AQP8: variants seen among roughly 807,000 people sequenced by gnomAD.
AQP8 encodes aquaporin-8.
AQP8 carries 14 observed loss-of-function variants against 26.1 expected under a neutral mutation model. That is an observed-to-expected ratio of 0.54 (90% CI 0.35 to 0.84). The LOEUF (loss-of-function observed/expected upper bound fraction) is 0.84. Among genes scored for constraint, AQP8 ranks in the 40% least tolerant of loss-of-function variants. The probability of loss-of-function intolerance (pLI) is 0.01; values close to 1 mark genes in which losing one functional copy is unlikely to be tolerated. For missense variants in AQP8, 301 were observed against 340.5 expected, an observed-to-expected ratio of 0.88 and a Z score of 0.91; for synonymous variants, 131 against 150.7, an observed-to-expected ratio of 0.87 and a Z score of 0.96.
Position 25,228,428 on chromosome 16 carries a change from G to T in AQP8, c.738-16G>T. 1 of 1,613,836 alleles carries T rather than the reference G, an allele frequency of 6.2e-7. No homozygotes were observed. The highest frequency in any genetic ancestry group is 1.1e-5 in the South Asian group (1 of 91,074). On this transcript the variant is annotated splice_polypyrimidine_tract_variant and intron_variant, in intron 5 of 5. Transcript: ENST00000219660. ...ACCTCCGGGGCAGAGACCTTACTGG[G>T]TCATCTTTCTTGCAGGTGCTTCATT...
Position 25,227,206 on chromosome 16 carries a change from G to A in AQP8, c.737+4G>A. The stretch of plus-strand genomic sequence containing the variant: ...TGCTTGTTGGACTGCTCATTAGGTA[G>A]GAGTGTGACACAGGGTCACCGGCCC... On this transcript the variant is annotated splice_donor_region_variant and intron_variant, in intron 5 of 5. Transcript: ENST00000219660. 2 of 1,614,166 alleles carry A rather than the reference G, an allele frequency of 1.2e-6. No homozygotes were observed. The highest frequency in any genetic ancestry group is 8.5e-7 in the Non-Finnish European group (1 of 1,180,028).
In AQP8 at chr16:25,217,353, C is replaced by A; in HGVS notation, c.168C>A (p.Val56=). 6.2e-7 allele frequency: 1 copy of A among 1,614,122 alleles called. No homozygotes were observed. The highest frequency in any genetic ancestry group is 1.1e-5 in the South Asian group (1 of 91,064). ...ALFIFIGCLS[V]IENGTDTGLL... The stretch of plus-strand genomic sequence containing the variant: ...TCATCTTCATCGGGTGCCTGTCGGT[C>A]ATTGAGAATGGGACGGACACTGGGC... The change falls in exon 2 of 6, where the codon GTC becomes GTA. Residue 56 remains valine (V), a synonymous_variant. Coordinates refer to ENST00000219660, the MANE Select transcript of AQP8 (RefSeq NM_001169.3).
At chr16:25,226,598 A>G (rs77458957) in intron 4 of AQP8, among the ~76,000 whole-genome samples, 4 of 152,132 alleles carry the variant, frequency 2.6e-5, no homozygotes, top group Non-Finnish European at 4.4e-5. Flanking sequence ...GCAATGTGTA[A>G]TAATCACGTC....
chr16:25,224,056 G>A (rs1962598610), intron 3 of AQP8, among the ~76,000 whole-genome samples: 2 of 152,090 alleles, frequency 1.3e-5, no homozygotes, highest in African/African-American at 4.8e-5. Context: ...CAAACTCCTG[G>A]GCTCTAGTGA....
intron 4 of AQP8, among the ~76,000 whole-genome samples, chr16:25,226,098 G>A (rs573690742): frequency 6.6e-5 from 10 of 152,242 alleles, no homozygotes; most frequent in Admixed American, 6.5e-4. Flanking sequence ...CTTTGTGGGT[G>A]AACCTAGTAG....
intron 3 of AQP8, 76 bp from the exon 4 acceptor site, chr16:25,224,286 G>A (rs35886856): frequency 0.18 from 260,284 of 1,420,114 alleles, 25,255 homozygotes; most frequent in Non-Finnish European, 0.2. Flanking sequence ...GGTAGCATGC[G>A]TTTTTTAGGC....
In AQP8 at chr16:25,227,133, A is replaced by G. The variant is rs1490123183; in HGVS notation, c.668A>G (p.His223Arg). 1.2e-6 allele frequency: 2 copies of G among 1,613,766 alleles called. No homozygotes were observed. The highest frequency in any genetic ancestry group is 2.7e-5 in the African/African-American group (2 of 74,814). The stretch of plus-strand genomic sequence containing the variant: ...TTTGGACCTGCGGTGGTGGCCAACC[A>G]CTGGAACTTCCACTGGATCTACTGG... ...RAFGPAVVAN[H>R]WNFHWIYWLG... The change falls in exon 5 of 6, where the codon CAC (histidine) becomes CGC (arginine). Residue 223 changes from histidine (H) to arginine (R), a missense_variant. His to Arg is a conservative substitution (Grantham distance 29). Transcript: ENST00000219660.
rs772686766 is a variant in AQP8 at position 25,227,058 on chromosome 16, G to T, written c.603-10G>T. 11 of 1,613,850 alleles carry T rather than the reference G, an allele frequency of 6.8e-6. No individual in the cohort carries two copies. Among genetic ancestry groups the T allele is most frequent in the Non-Finnish European group, 9.3e-6 (11 of 1,180,026 alleles). On this transcript the variant is annotated splice_polypyrimidine_tract_variant and intron_variant, in intron 4 of 5. Transcript: ENST00000219660. ...GGATCCTGGTGACCTTGGTGCCTGG[G>T]TGTTTGCAGGGGCCCTGTGTCTGGA...
Position 25,228,717 on chromosome 16 carries a change from T to C in AQP8, c.*225T>C, listed in dbSNP as rs1045150306. 16 of 531,250 alleles carry C rather than the reference T, an allele frequency of 3.0e-5. No homozygotes were observed. The highest frequency in any genetic ancestry group is 4.4e-5 in the South Asian group (2 of 45,390). 32.9% of individuals were successfully genotyped at this position (531,250 alleles called of 1,614,324 possible). A position where few individuals can be genotyped will look rare whatever the true frequency, so the allele number is the denominator to read the frequency against. ...AGAGACCCCAGCCTGGGGAACACGCTGCCCGCACTGCCCAGAGAGCAGTGC... is the reference window on the plus strand; with the variant it reads ...AGAGACCCCAGCCTGGGGAACACGCCGCCCGCACTGCCCAGAGAGCAGTGC... On this transcript the variant is annotated 3_prime_UTR_variant, in exon 6 of 6. Transcript: ENST00000219660.
chr16:25,228,333 C>G, intron 5 of AQP8, 111 bp from the exon 6 acceptor site: 1 of 934,204 alleles, frequency 1.1e-6, no homozygotes, highest in Admixed American at 1.9e-5. Context: ...GCTATTAAGG[C>G]TGGGGAGGCT....
intron 5 of AQP8, among the ~76,000 whole-genome samples, chr16:25,228,057 G>A (rs1754590615): frequency 1.1e-5 from 1 of 89,044 alleles, no homozygotes; most frequent in Non-Finnish European, 2.1e-5. Context: ...CTTGAAGTCA[G>A]GAGTTGGAGA....
At position 25,218,170 on chromosome 16, in the gene AQP8, C is replaced by T. The variant is rs74318668; in HGVS notation, c.260+725C>T. ...GTCATGAGAATTAAATGAAGTAGAG[C>T]GCCTGGCACACACCAAACATACAAC... On this transcript the variant is annotated intron_variant, in intron 2 of 5. Coordinates refer to ENST00000219660, the MANE Select transcript of AQP8 (RefSeq NM_001169.3). Among the ~76,000 whole-genome samples the T allele has an allele frequency of 2.4e-4, 36 of 152,284 alleles. No individual in the cohort carries two copies. The East Asian group carries it at 5.8e-3, about 24-fold the overall frequency.
intron 5 of AQP8, among the ~76,000 whole-genome samples, 186 bp from the exon 6 acceptor site, chr16:25,228,258 G>C (rs1962661042): frequency 6.7e-6 from 1 of 150,228 alleles, no homozygotes; most frequent in Non-Finnish European, 1.5e-5. Flanking sequence ...GTGAGACTCT[G>C]TCTCAATTAA....
chr16:25,228,575 C>A lies in AQP8; in HGVS notation c.*83C>A. The A allele has an allele frequency of 6.7e-7, 1 of 1,494,788 alleles. No individual in the cohort carries two copies. Among genetic ancestry groups the A allele is most frequent in the Non-Finnish European group, 9.3e-7 (1 of 1,075,762 alleles). 92.6% of individuals were successfully genotyped at this position (1,494,788 alleles called of 1,614,324 possible). A position where few individuals can be genotyped will look rare whatever the true frequency, so the allele number is the denominator to read the frequency against. On this transcript the variant is annotated 3_prime_UTR_variant, in exon 6 of 6. Transcript: ENST00000219660. ...TGAGGACAGGGGAGTTCCTGCATTT[C>A]CTGCCAGGGCAGAGGCCCAGAGGAG...
In AQP8 at chr16:25,221,473, C is replaced by A; in HGVS notation, c.277C>A (p.Pro93Thr). 1 of 1,614,116 alleles carries A rather than the reference C, an allele frequency of 6.2e-7. No homozygotes were observed. Among genetic ancestry groups the A allele is most frequent in the South Asian group, 1.1e-5 (1 of 91,086 alleles). ...GGGTTACAGTGGTGGACACTTCAAC[C>A]CTGCGGTGTCCCTGGCAGCCATGCT... ...LGNISGGHFN[P>T]AVSLAAMLIG... The change falls in exon 3 of 6, where the codon CCT (proline) becomes ACT (threonine). Residue 93 changes from proline to threonine, a missense_variant. By Grantham distance (38) the Pro-to-Thr change is conservative. Coordinates refer to ENST00000219660, the MANE Select transcript of AQP8 (RefSeq NM_001169.3).
chr16:25,228,452 T>C lies in AQP8; in HGVS notation c.746T>C (p.Ile249Thr), dbSNP rs189576343. The change falls in exon 6 of 6, where the codon ATT becomes ACT. Residue 249 changes from isoleucine to threonine, a missense_variant. Ile to Thr is a moderately conservative substitution (Grantham distance 89, BLOSUM62 -1). Coordinates refer to ENST00000219660, the MANE Select transcript of AQP8 (RefSeq NM_001169.3). ...LLVGLLIRCF[I>T]GDGKTRLILK... Reference sequence around the variant, plus strand: ...GGTCATCTTTCTTGCAGGTGCTTCATTGGAGATGGGAAGACCCGCCTCATC... The same window carrying C: ...GGTCATCTTTCTTGCAGGTGCTTCACTGGAGATGGGAAGACCCGCCTCATC... The C allele has an allele frequency of 1.3e-4, 205 of 1,613,918 alleles. 1 individual carries two copies. The East Asian group carries it at 4.3e-3, about 34-fold the overall frequency.
rs764985278 is a variant in AQP8, at chr16:25,228,853, T to C, written c.*361T>C. 2.1e-5 allele frequency: 4 copies of C among 191,542 alleles called. No homozygotes were observed. Among genetic ancestry groups the C allele is most frequent in the Non-Finnish European group, 4.3e-5 (4 of 93,292 alleles). 11.9% of individuals were successfully genotyped at this position (191,542 alleles called of 1,614,324 possible). A position where few individuals can be genotyped will look rare whatever the true frequency, so the allele number is the denominator to read the frequency against. ...GCACCCCATTTCTTGCTTGATTGCT[T>C]TGTTGGGGGCCTGGCCACTTCCTTG... On this transcript the variant is annotated 3_prime_UTR_variant, in exon 6 of 6. Transcript: ENST00000219660.
chr16:25,228,327 T>C (rs1193772300), intron 5 of AQP8, 117 bp from the exon 6 acceptor site: 15 of 881,268 alleles, frequency 1.7e-5, no homozygotes, highest in Non-Finnish European at 2.4e-5. Flanking sequence ...GATCTGGCTA[T>C]TAAGGCTGGG....
At chr16:25,218,081 A>C (rs1381072703) in intron 2 of AQP8, among the ~76,000 whole-genome samples, 1 of 152,228 alleles carries the variant, frequency 6.6e-6, no homozygotes, top group Non-Finnish European at 1.5e-5. Context: ...AGAAAGTGGC[A>C]GAGGCGGGAG....
Sources: allele counts gnomAD v4.1 joint callset (sites outside exome capture counted in the v4.1 genomes callset), GRCh38; gene constraint gnomAD v4.1.1; transcripts MANE v1.5; gene names NCBI Gene and HGNC (gene_info 2026-07-23, HGNC 2026-07-21).